Variants in RMND5A observed in about 807,000 individuals in gnomAD.
The protein encoded by RMND5A is E3 ubiquitin-protein transferase RMND5A.
Under a neutral mutation model 49.7 loss-of-function variants are expected in RMND5A, and 17 were observed. That is an observed-to-expected ratio of 0.34 (90% CI 0.23 to 0.51). The LOEUF is 0.51. Ranked by LOEUF, RMND5A falls within the 20% of genes least tolerant of loss-of-function variation. The pLI is 0.96. For missense variants in RMND5A, 255 were observed against 471.3 expected (o/e 0.54, Z 4.25); for synonymous variants, 156 against 167.7 (o/e 0.93, Z 0.54).
intron 4 of RMND5A, among the ~76,000 whole-genome samples, chr2:86,758,937 G>T (rs993658818): frequency 6.6e-6 from 1 of 152,146 alleles, no homozygotes; most frequent in East Asian, 1.9e-4. Flanking sequence ...CACACCTGTG[G>T]AGTAAAAATC....
chr2:86,770,697 C>G (rs1280762077), intron 7 of RMND5A, among the ~76,000 whole-genome samples: 2 of 152,216 alleles, frequency 1.3e-5, no homozygotes, highest in East Asian at 1.9e-4. Context: ...GTATTCATCT[C>G]TAAGACAAGC....
At chr2:86,759,165 T>G (rs929026475) in intron 4 of RMND5A, among the ~76,000 whole-genome samples, 1 of 152,202 alleles carries the variant, frequency 6.6e-6, no homozygotes, top group Non-Finnish European at 1.5e-5. Flanking sequence ...AGCCCACTAA[T>G]GCTGTCTGTT....
intron 8 of RMND5A, among the ~76,000 whole-genome samples, chr2:86,772,434 G>A (rs1169267108): frequency 6.6e-6 from 1 of 152,020 alleles, no homozygotes; most frequent in Non-Finnish European, 1.5e-5. Flanking sequence ...CAGCCTGGGC[G>A]ACAGAGCAAG....
intron 2 of RMND5A, among the ~76,000 whole-genome samples, chr2:86,744,867 C>T (rs1175783758): frequency 6.6e-6 from 1 of 152,030 alleles, no homozygotes; most frequent in African/African-American, 2.4e-5. Flanking sequence ...TAATTTTTTT[C>T]ATTTTTGCGT....
At chr2:86,768,972 G>T (rs909809213) in intron 6 of RMND5A, among the ~76,000 whole-genome samples, 3 of 152,110 alleles carry the variant, frequency 2.0e-5, no homozygotes, top group African/African-American at 7.2e-5. Context: ...TTGAAACAGG[G>T]TCTCATTCTG....
At chr2:86,764,387 C>T (rs1558726033) in intron 4 of RMND5A, among the ~76,000 whole-genome samples, 1 of 152,134 alleles carries the variant, frequency 6.6e-6, no homozygotes, top group Non-Finnish European at 1.5e-5. Flanking sequence ...ATTGATTATT[C>T]CAACTGTTCT....
chr2:86,771,832 T>C, intron 8 of RMND5A, 120 bp downstream of exon 8: 1 of 820,562 alleles, frequency 1.2e-6, no homozygotes, highest in Non-Finnish European at 1.9e-6. Context: ...ATAAATTTCT[T>C]AACTATTCAT....
chr2:86,757,464 A>G (rs111436241), intron 4 of RMND5A, among the ~76,000 whole-genome samples: 7 of 152,332 alleles, frequency 4.6e-5, no homozygotes, highest in African/African-American at 1.4e-4. Context: ...CCCTCAATGA[A>G]TAACAGTAAT....
chr2:86,766,765 A>G (rs1672604655), intron 6 of RMND5A, among the ~76,000 whole-genome samples: 1 of 151,224 alleles, frequency 6.6e-6, no homozygotes, highest in African/African-American at 2.4e-5. Context: ...AGGTGGGGGG[A>G]ATCTCTTGAG....
intron 2 of RMND5A, 55 bp from the exon 3 acceptor site, chr2:86,751,841 T>G: frequency 6.4e-7 from 1 of 1,556,870 alleles, no homozygotes; most frequent in Non-Finnish European, 8.8e-7. Flanking sequence ...TTTTTTCCTG[T>G]TAAGTGGGGT....
chr2:86,768,573 T>C (rs1389725025), intron 6 of RMND5A, among the ~76,000 whole-genome samples: 1 of 152,158 alleles, frequency 6.6e-6, no homozygotes. Flanking sequence ...GGCAACAAGG[T>C]GTCTCCCATC....
intron 1 of RMND5A, among the ~76,000 whole-genome samples, chr2:86,729,018 T>A (rs2104384361): frequency 6.6e-6 from 1 of 152,178 alleles, no homozygotes; most frequent in African/African-American, 2.4e-5. Flanking sequence ...CCTCCCAAAG[T>A]GCTAGGATTA....
At position 86,765,027 on chromosome 2, in the gene RMND5A, G is replaced by T; in HGVS notation, c.522G>T (p.Glu174Asp). 1 of 1,593,736 alleles carries T rather than the reference G, an allele frequency of 6.3e-7. No homozygotes were observed. Among genetic ancestry groups the T allele is most frequent in the South Asian group, 1.1e-5 (1 of 87,386 alleles). Reference protein sequence around the residue: ...LKVRVLRPALEWAVSNREMLI... With the variant: ...LKVRVLRPALDWAVSNREMLI... ...AAAGTCTTTTTTGCCTTTTCTTTAG[G>T]TGGGCAGTGTCAAACCGGGAAATGC... The change falls in exon 5 of 9, where the codon GAG becomes GAT. Residue 174 changes from glutamate to aspartate, a missense_variant and splice_region_variant. Glu to Asp is a conservative substitution (Grantham distance 45, BLOSUM62 2). Coordinates refer to ENST00000283632, the MANE Select transcript of RMND5A (RefSeq NM_022780.4).
chr2:86,745,789 C>T (rs1290943354), intron 2 of RMND5A, among the ~76,000 whole-genome samples: 1 of 152,014 alleles, frequency 6.6e-6, no homozygotes, highest in Non-Finnish European at 1.5e-5. Context: ...GACATTATTC[C>T]CATTTTATAT....
intron 4 of RMND5A, among the ~76,000 whole-genome samples, chr2:86,763,130 TG>T (rs1034108452): frequency 6.1e-4 from 93 of 152,332 alleles, no homozygotes; most frequent in African/African-American, 2.1e-3. Flanking sequence ...TGAGTTTTTT[TG>T]TGAATTGTCT....
intron 3 of RMND5A, among the ~76,000 whole-genome samples, chr2:86,752,616 T>C (rs1681655783): frequency 6.6e-6 from 1 of 152,198 alleles, no homozygotes; most frequent in Non-Finnish European, 1.5e-5. Context: ...GAAGTAAAAA[T>C]TATTGTTTCC....
intron 4 of RMND5A, 122 bp from the exon 5 acceptor site, chr2:86,764,905 T>TA (rs1170455206): frequency 1.1e-6 from 1 of 873,054 alleles, no homozygotes; most frequent in Non-Finnish European, 1.7e-6. Context: ...GGATTGATGT[T>TA]ACCATAGACT....
chr2:86,760,954 TGA>T (rs1411402948), intron 4 of RMND5A, among the ~76,000 whole-genome samples: 1 of 138,428 alleles, frequency 7.2e-6, no homozygotes, highest in East Asian at 2.2e-4. Context: ...TACTTTGGAT[TGA>T]GAGAGAGAAG....
At chr2:86,732,631 G>A (rs1461440033) in intron 1 of RMND5A, among the ~76,000 whole-genome samples, 1 of 149,988 alleles carries the variant, frequency 6.7e-6, no homozygotes, top group Non-Finnish European at 1.5e-5. Flanking sequence ...TAATGTGTAC[G>A]TTTGTTATAC....
Sources: gnomAD v4.1 joint callset for allele counts (sites outside exome capture counted in the v4.1 genomes callset) on GRCh38, gnomAD v4.1.1 for gene constraint, MANE v1.5 for transcripts, NCBI Gene and HGNC (gene_info 2026-07-23, HGNC 2026-07-21) for gene names.